Variants in ARHGAP26 observed in about 807,000 individuals in gnomAD.
ARHGAP26 encodes Rho GTPase activating protein 26.
A neutral mutation model predicts 104.8 loss-of-function variants in ARHGAP26; 38 were observed. The observed-to-expected ratio is 0.36, with a 90% CI of 0.28 to 0.48. The LOEUF (loss-of-function observed/expected upper bound fraction) is 0.48. Ranked by LOEUF, ARHGAP26 falls within the 20% of genes least tolerant of loss-of-function variation. The probability of loss-of-function intolerance (pLI) is 0.99; values close to 1 mark genes in which losing one functional copy is unlikely to be tolerated. For missense variants in ARHGAP26, 704 were observed against 947.9 expected (o/e 0.74, Z 3.38); for synonymous variants, 341 against 340.0 (o/e 1.00, Z -0.03).
At chr5:142,931,593 T>C (rs1393325623) in intron 10 of ARHGAP26, among the ~76,000 whole-genome samples, 2 of 152,196 alleles carry the variant, frequency 1.3e-5, no homozygotes, top group African/African-American at 4.8e-5. Flanking sequence ...GTGGACTAGA[T>C]ATTAGGAGAC....
chr5:143,217,001 G>A (rs1810442028), intron 22 of ARHGAP26, among the ~76,000 whole-genome samples: 2 of 152,094 alleles, frequency 1.3e-5, no homozygotes, highest in African/African-American at 4.8e-5. Context: ...GGGGTGGGGG[G>A]TCTTTTTCCT....
intron 17 of ARHGAP26, among the ~76,000 whole-genome samples, chr5:143,094,287 GCA>G (rs1382773184): frequency 1.3e-5 from 2 of 152,228 alleles, no homozygotes; most frequent in South Asian, 2.1e-4. Flanking sequence ...CTTGGTCTGT[GCA>G]CAGAGTCGTT....
rs1300809313 is a variant in ARHGAP26, at chr5:142,913,196, T to C, written c.934-3T>C. 1.2e-6 allele frequency: 2 copies of C among 1,613,602 alleles called. No homozygotes were observed. Among genetic ancestry groups the C allele is most frequent in the Admixed American group, 3.3e-5 (2 of 60,010 alleles). ...ATCTTGATAGTCTGTGTGTTCCCAC[T>C]AGGGAGAAGATGAATCAGTTATCCT... On this transcript the variant is annotated splice_polypyrimidine_tract_variant and splice_region_variant and intron_variant, in intron 9 of 22. Transcript: ENST00000645722.
intron 21 of ARHGAP26, among the ~76,000 whole-genome samples, chr5:143,213,242 A>T (rs551885240): frequency 1.4e-4 from 21 of 152,312 alleles, no homozygotes; most frequent in African/African-American, 4.8e-4. Flanking sequence ...GGTGTTTCGG[A>T]TGCACAGTGA....
At chr5:143,175,790 C>T (rs1394135371) in intron 20 of ARHGAP26, among the ~76,000 whole-genome samples, 1 of 152,084 alleles carries the variant, frequency 6.6e-6, no homozygotes, top group African/African-American at 2.4e-5. Flanking sequence ...TTGACTTTTT[C>T]CCTTAATTTT....
chr5:142,959,872 C>A (rs1269669905), intron 11 of ARHGAP26, among the ~76,000 whole-genome samples: 1 of 152,236 alleles, frequency 6.6e-6, no homozygotes. Flanking sequence ...CCACATCTGA[C>A]AAGTCTGGTG....
At chr5:142,779,544 T>A (rs966527966) in intron 1 of ARHGAP26, among the ~76,000 whole-genome samples, 1 of 152,232 alleles carries the variant, frequency 6.6e-6, no homozygotes, top group Admixed American at 6.5e-5. Flanking sequence ...AGCTACTCTT[T>A]GACTCTTGCT....
At chr5:142,774,900 C>T (rs2151809443) in intron 1 of ARHGAP26, among the ~76,000 whole-genome samples, 2 of 152,118 alleles carry the variant, frequency 1.3e-5, no homozygotes, top group Middle Eastern at 6.8e-3. Flanking sequence ...TTCATGTCCT[C>T]TTATGGCTGG....
At chr5:142,897,745 G>A (rs1030164278) in intron 6 of ARHGAP26, among the ~76,000 whole-genome samples, 5 of 152,190 alleles carry the variant, frequency 3.3e-5, no homozygotes, top group African/African-American at 1.2e-4. Flanking sequence ...ACATCTCTGA[G>A]GGTAAGTACT....
At chr5:143,157,937 T>C (rs1800703485) in intron 20 of ARHGAP26, among the ~76,000 whole-genome samples, 1 of 152,192 alleles carries the variant, frequency 6.6e-6, no homozygotes, top group African/African-American at 2.4e-5. Context: ...TTATTTGCTA[T>C]CTCTAAGCTA....
At chr5:143,077,700 C>G (rs1460936315) in intron 17 of ARHGAP26, among the ~76,000 whole-genome samples, 1 of 152,218 alleles carries the variant, frequency 6.6e-6, no homozygotes, top group East Asian at 1.9e-4. Flanking sequence ...TGGAAAGTCT[C>G]TCTTGAGGAT....
chr5:143,191,565 C>T (rs1330726140), intron 20 of ARHGAP26, among the ~76,000 whole-genome samples: 1 of 152,102 alleles, frequency 6.6e-6, no homozygotes, highest in Non-Finnish European at 1.5e-5. Flanking sequence ...ATATTATTTG[C>T]AATGGGCTAA....
chr5:143,051,948 C>G (rs1785099626), intron 14 of ARHGAP26, among the ~76,000 whole-genome samples: 1 of 152,062 alleles, frequency 6.6e-6, no homozygotes, highest in Admixed American at 6.5e-5. Context: ...TGCAGGATGG[C>G]AGCTCTCCAC....
chr5:142,909,285 C>T (rs747312816), intron 9 of ARHGAP26, among the ~76,000 whole-genome samples: 3 of 152,156 alleles, frequency 2.0e-5, no homozygotes, highest in Non-Finnish European at 4.4e-5. Context: ...TCTAACCTGT[C>T]GATAAACTAG....
At chr5:143,189,853 C>T (rs780737051) in intron 20 of ARHGAP26, among the ~76,000 whole-genome samples, 20 of 152,116 alleles carry the variant, frequency 1.3e-4, no homozygotes, top group Non-Finnish European at 2.5e-4. Flanking sequence ...GCTTGCTTGG[C>T]TTGTTACCTG....
chr5:143,125,191 T>C (rs1796583184), intron 18 of ARHGAP26, among the ~76,000 whole-genome samples: 1 of 152,234 alleles, frequency 6.6e-6, no homozygotes, highest in Non-Finnish European at 1.5e-5. Context: ...AAGAGACCTC[T>C]GTGTTCTAAC....
chr5:142,932,334 T>G (rs143047239), intron 11 of ARHGAP26, among the ~76,000 whole-genome samples: 66 of 152,368 alleles, frequency 4.3e-4, no homozygotes, highest in Middle Eastern at 6.8e-3. Flanking sequence ...CTCTCTGTCC[T>G]AAGGCATGGC....
In ARHGAP26 at chr5:143,121,042, G is replaced by A; in HGVS notation, c.1593G>A (p.Val531=). Residue 531 remains valine, a synonymous_variant, in exon 18 of 23, where the codon GTG becomes GTA. Coordinates refer to ENST00000645722, the MANE Select transcript of ARHGAP26 (RefSeq NM_001135608.3). ...TGACGGTGGCAAACCTTGGTGTGGTGTTTGGACCCACTCTGCTGAGGCCTC... is the reference window on the plus strand; with the variant it reads ...TGACGGTGGCAAACCTTGGTGTGGTATTTGGACCCACTCTGCTGAGGCCTC... The part of the protein sequence containing the change: ...NLMTVANLGV[V]FGPTLLRPQE... 1.2e-6 allele frequency: 2 copies of A among 1,613,808 alleles called. No homozygotes were observed. The highest frequency in any genetic ancestry group is 1.7e-6 in the Non-Finnish European group (2 of 1,179,814).
At chr5:143,209,932 A>T (rs563828055) in intron 21 of ARHGAP26, among the ~76,000 whole-genome samples, 1 of 152,308 alleles carries the variant, frequency 6.6e-6, no homozygotes, top group South Asian at 2.1e-4. Flanking sequence ...GTGGTGGTAT[A>T]CACCCATTAT....
Sources: gnomAD v4.1 joint callset for allele counts (sites outside exome capture counted in the v4.1 genomes callset) on GRCh38, gnomAD v4.1.1 for gene constraint, MANE v1.5 for transcripts, NCBI Gene and HGNC (gene_info 2026-07-23, HGNC 2026-07-21) for gene names.